The following PLCG2 variants were observed in gnomAD, a reference collection of about 807,000 sequenced individuals.
The protein encoded by PLCG2 is phospholipase C gamma 2.
In PLCG2, 69 loss-of-function variants were observed where a neutral mutation model predicts 175.6. The observed-to-expected ratio is 0.39, with a 90% confidence interval of 0.32 to 0.48. The LOEUF is 0.48. Ranked by LOEUF, PLCG2 falls within the 20% of genes least tolerant of loss-of-function variation. The pLI is 0.91. For missense variants in PLCG2, 1,798 were observed against 1,650.9 expected (o/e 1.09, Z -1.54); for synonymous variants, 827 against 624.0 (o/e 1.33, Z -4.85).
chr16:81,771,240 G>A (rs563167116), intron 2 of PLCG2, among the ~76,000 whole-genome samples: 1 of 151,966 alleles, frequency 6.6e-6, no homozygotes, highest in African/African-American at 2.4e-5. Context: ...ACTTCTTTTT[G>A]TGTGTGAGAA....
chr16:81,928,507 T>G (rs374887023), intron 23 of PLCG2, 51 bp from the exon 24 acceptor site: 78 of 1,205,264 alleles, frequency 6.5e-5, no homozygotes, highest in Non-Finnish European at 8.9e-5. Flanking sequence ...CGGGTTTTCT[T>G]TTTATTATTC....
intron 2 of PLCG2, among the ~76,000 whole-genome samples, chr16:81,849,231 C>G (rs934584773): frequency 6.6e-6 from 1 of 152,076 alleles, no homozygotes; most frequent in Admixed American, 6.6e-5. Flanking sequence ...TAACGTACTG[C>G]TTTAAGGAGA....
At chr16:81,832,036 C>A (rs927963315) in intron 2 of PLCG2, among the ~76,000 whole-genome samples, 1 of 152,160 alleles carries the variant, frequency 6.6e-6, no homozygotes, top group Admixed American at 6.5e-5. Flanking sequence ...TGAGCCTGGG[C>A]ACTCGGACAC....
intron 13 of PLCG2, among the ~76,000 whole-genome samples, chr16:81,899,039 A>G (rs1178267164): frequency 6.6e-6 from 1 of 152,022 alleles, no homozygotes; most frequent in Admixed American, 6.6e-5. Context: ...AATACAAAAA[A>G]TTAACTGGGC....
At chr16:81,784,504 C>T (rs1385808296) in intron 1 of PLCG2, among the ~76,000 whole-genome samples, 3 of 152,212 alleles carry the variant, frequency 2.0e-5, no homozygotes, top group African/African-American at 7.2e-5. Flanking sequence ...CCTCTCACTC[C>T]TCCTTCTTTG....
intron 2 of PLCG2, among the ~76,000 whole-genome samples, chr16:81,808,586 C>G (rs1321883659): frequency 6.6e-6 from 1 of 152,104 alleles, no homozygotes; most frequent in African/African-American, 2.4e-5. Flanking sequence ...CTCCGCCTCC[C>G]AGATTCAAGC....
At chr16:81,806,555 C>T (rs767070662) in intron 2 of PLCG2, among the ~76,000 whole-genome samples, 1 of 152,038 alleles carries the variant, frequency 6.6e-6, no homozygotes, top group Non-Finnish European at 1.5e-5. Flanking sequence ...GGCCAGGGAG[C>T]TTCATGACCA....
At chr16:81,867,570 A>G (rs550969450) in intron 5 of PLCG2, among the ~76,000 whole-genome samples, 9 of 151,810 alleles carry the variant, frequency 5.9e-5, no homozygotes, top group African/African-American at 2.2e-4. Context: ...GTGAATGTGC[A>G]TATAAGGCAC....
intron 2 of PLCG2, among the ~76,000 whole-genome samples, chr16:81,819,266 CAG>C (rs1043392250): frequency 8.5e-5 from 13 of 152,244 alleles, no homozygotes; most frequent in African/African-American, 2.9e-4. Flanking sequence ...GATGGCTGGG[CAG>C]AGTCAGGACA....
chr16:81,790,450 C>T (rs1428691784), intron 2 of PLCG2, among the ~76,000 whole-genome samples: 4 of 152,196 alleles, frequency 2.6e-5, no homozygotes, highest in Non-Finnish European at 4.4e-5. Context: ...CTTGAGAGAG[C>T]AGGCCTTCAG....
At chr16:81,759,339 A>T (rs949190401) in intron 2 of PLCG2, among the ~76,000 whole-genome samples, 1 of 152,180 alleles carries the variant, frequency 6.6e-6, no homozygotes, top group Non-Finnish European at 1.5e-5. Context: ...GTATAAAGAG[A>T]TGGAAAAAGA....
intron 2 of PLCG2, chr16:81,852,186 C>T (rs1015918650): frequency 6.6e-6 from 1 of 152,230 alleles, no homozygotes; most frequent in African/African-American, 2.4e-5. Context: ...CTGCCACTCC[C>T]AGGCTCATGT....
At chr16:81,796,863 T>G (rs2143224804) in intron 2 of PLCG2, among the ~76,000 whole-genome samples, 1 of 152,342 alleles carries the variant, frequency 6.6e-6, no homozygotes, top group East Asian at 1.9e-4. Flanking sequence ...TTCTGTTGTT[T>G]CGGCCATCCA....
At chr16:81,862,857 G>C (rs1450339343) in intron 5 of PLCG2, among the ~76,000 whole-genome samples, 1 of 152,114 alleles carries the variant, frequency 6.6e-6, no homozygotes. Context: ...GGGCAACAGA[G>C]TGAGATCCCA....
chr16:81,778,071 C>A (rs77510974), upstream of PLCG2, among the ~76,000 whole-genome samples: 43,741 of 77,046 alleles, frequency 0.57, 12,230 homozygotes, highest in East Asian at 0.73. Context: ...AAACCAAAAA[C>A]ACACACACAC....
At chr16:81,887,031 A>G (rs1908400764) in intron 9 of PLCG2, among the ~76,000 whole-genome samples, 1 of 152,018 alleles carries the variant, frequency 6.6e-6, no homozygotes, top group African/African-American at 2.4e-5. Flanking sequence ...CTAAGTACCC[A>G]TGCCTTTTGA....
intron 1 of PLCG2, among the ~76,000 whole-genome samples, chr16:81,781,560 C>G (rs141869694): frequency 2.6e-5 from 4 of 152,316 alleles, no homozygotes; most frequent in African/African-American, 9.6e-5. Context: ...TAGCTGCTCA[C>G]AGGTTGCCCT....
At chr16:81,929,186 G>C (rs926832509) in intron 24 of PLCG2, among the ~76,000 whole-genome samples, 1 of 152,184 alleles carries the variant, frequency 6.6e-6, no homozygotes, top group African/African-American at 2.4e-5. Context: ...TCTGATGTGT[G>C]CTGGGTTTCC....
upstream of PLCG2, among the ~76,000 whole-genome samples, chr16:81,774,578 C>G (rs962794441): frequency 3.9e-5 from 6 of 151,994 alleles, no homozygotes; most frequent in Admixed American, 6.6e-5. Flanking sequence ...AAACTAGACT[C>G]AAGGGCTCCA....
Sources: allele counts gnomAD v4.1 joint callset (sites outside exome capture counted in the v4.1 genomes callset), GRCh38; gene constraint gnomAD v4.1.1; transcripts MANE v1.5; gene names NCBI Gene and HGNC (gene_info 2026-07-23, HGNC 2026-07-21).